The following PTPRK variants were observed in gnomAD, a reference collection of about 807,000 sequenced individuals.
PTPRK encodes receptor-type tyrosine-protein phosphatase kappa.
Under a neutral mutation model 178.0 loss-of-function variants are expected in PTPRK, and 75 were observed. The ratio of observed to expected loss-of-function variants is 0.42; its 90% CI spans 0.35 to 0.51. PTPRK has a LOEUF of 0.51. Among genes scored for constraint, PTPRK ranks in the 20% least tolerant of loss-of-function variants. PTPRK has a pLI of 0.02. For missense variants in PTPRK, 1,441 were observed against 1,797.8 expected (o/e 0.80, Z 3.59); for synonymous variants, 637 against 620.6 (o/e 1.03, Z -0.39).
chr6:128,368,917 T>TA (rs1206088032), intron 2 of PTPRK, among the ~76,000 whole-genome samples: 3 of 150,682 alleles, frequency 2.0e-5, no homozygotes, highest in East Asian at 3.9e-4. Flanking sequence ...TCACTCTATT[T>TA]AAAAAAACAA....
At chr6:128,365,707 G>C (rs1375767497) in intron 2 of PTPRK, among the ~76,000 whole-genome samples, 3 of 152,024 alleles carry the variant, frequency 2.0e-5, no homozygotes, top group Non-Finnish European at 4.4e-5. Flanking sequence ...TGTACTTTTA[G>C]AACACAGAGA....
intron 10 of PTPRK, 77 bp downstream of exon 10, chr6:128,082,360 A>T: frequency 7.5e-7 from 1 of 1,331,044 alleles, no homozygotes; most frequent in Non-Finnish European, 1.1e-6. Flanking sequence ...CACTTGGTTT[A>T]TATGTGATTC....
intron 1 of PTPRK, among the ~76,000 whole-genome samples, chr6:128,504,087 C>G (rs186674272): frequency 6.6e-6 from 1 of 152,176 alleles, no homozygotes; most frequent in Non-Finnish European, 1.5e-5. Context: ...TAGATATATC[C>G]TTTTTGTCAT....
At chr6:128,268,584 C>T (rs1486711971) in intron 3 of PTPRK, among the ~76,000 whole-genome samples, 1 of 151,936 alleles carries the variant, frequency 6.6e-6, no homozygotes, top group East Asian at 1.9e-4. Flanking sequence ...GCCCAACTGC[C>T]TTGCCAACAA....
intron 1 of PTPRK, among the ~76,000 whole-genome samples, chr6:128,428,373 C>T (rs1472281106): frequency 6.6e-6 from 1 of 152,092 alleles, no homozygotes; most frequent in Non-Finnish European, 1.5e-5. Context: ...AGGTCTAAAG[C>T]CTATCGTTAT....
intron 13 of PTPRK, among the ~76,000 whole-genome samples, chr6:128,040,855 G>A (rs1194077901): frequency 6.6e-6 from 1 of 152,016 alleles, no homozygotes; most frequent in Non-Finnish European, 1.5e-5. Context: ...AATACAGAAT[G>A]AGCTCTTGAA....
chr6:128,056,685 A>C (rs1266227843), intron 13 of PTPRK, among the ~76,000 whole-genome samples: 1 of 152,068 alleles, frequency 6.6e-6, no homozygotes, highest in Non-Finnish European at 1.5e-5. Flanking sequence ...CGGCCTCCCA[A>C]AGTGCTGGGA....
In PTPRK at chr6:128,189,358, G is replaced by T. The variant is rs1202540112; in HGVS notation, c.869-4633C>A. ...GGGTTCAAGCTACTCTCCTGCCTCA[G>T]CCTCCCAAATAGCCGGGACTACAGG... On this transcript the variant is annotated intron_variant, in intron 6 of 29. Transcript: ENST00000368226. Among the ~76,000 whole-genome samples, 4 of 146,092 alleles carry T rather than the reference G, an allele frequency of 2.7e-5. No individual in the cohort carries two copies. In the Admixed American group the frequency reaches 2.8e-4, roughly 10 times the overall value.
chr6:128,166,020 G>A (rs1459257029), intron 7 of PTPRK, among the ~76,000 whole-genome samples: 1 of 151,606 alleles, frequency 6.6e-6, no homozygotes, highest in East Asian at 1.9e-4. Context: ...TAAGGATAAA[G>A]TTACTATAAT....
intron 1 of PTPRK, chr6:128,472,626 A>C (rs1302947870): frequency 3.7e-6 from 1 of 272,504 alleles, no homozygotes; most frequent in Non-Finnish European, 7.0e-6. Flanking sequence ...AATTCTACAT[A>C]TTAATATTTT....
chr6:128,134,915 GA>G (rs1444266755), intron 7 of PTPRK, among the ~76,000 whole-genome samples: 1 of 152,054 alleles, frequency 6.6e-6, no homozygotes, highest in East Asian at 1.9e-4. Flanking sequence ...GGCCTTAAGA[GA>G]AAAAGACAAA....
intron 2 of PTPRK, among the ~76,000 whole-genome samples, chr6:128,351,539 G>T (rs918231208): frequency 6.6e-6 from 1 of 152,058 alleles, no homozygotes; most frequent in African/African-American, 2.4e-5. Flanking sequence ...GAATGTTCCT[G>T]GTAGCTCATT....
At chr6:128,424,893 A>G (rs1440018601) in intron 1 of PTPRK, among the ~76,000 whole-genome samples, 3 of 152,164 alleles carry the variant, frequency 2.0e-5, no homozygotes, top group African/African-American at 7.2e-5. Flanking sequence ...TATCAGCCAC[A>G]TACAACTAAC....
intron 13 of PTPRK, among the ~76,000 whole-genome samples, chr6:128,023,811 G>C (rs1270892745): frequency 6.6e-6 from 1 of 151,002 alleles, no homozygotes; most frequent in South Asian, 2.1e-4. Flanking sequence ...ATGCCACTAT[G>C]CCTGGCTAAT....
chr6:128,059,045 T>C lies in PTPRK; in HGVS notation c.2194+5713A>G, dbSNP rs150861787. ...GTCATAATTTTTATTCTTGTGCTAT[T>C]ACCACACTGTCTTAATTACTCTAAC... is the stretch of plus-strand genomic sequence containing the variant. On this transcript the variant is annotated intron_variant, in intron 13 of 29. Coordinates refer to ENST00000368226, the MANE Select transcript of PTPRK (RefSeq NM_002844.4). Among the ~76,000 whole-genome samples the C allele has an allele frequency of 6.1e-4, 93 of 152,246 alleles. No homozygotes were observed. The East Asian group carries it at 0.014, about 23-fold the overall frequency.
intron 14 of PTPRK, among the ~76,000 whole-genome samples, chr6:128,008,613 A>C (rs1224761678): frequency 6.6e-6 from 1 of 151,182 alleles, no homozygotes; most frequent in Non-Finnish European, 1.5e-5. Context: ...ATAAAAAGTT[A>C]ATGTTCAATT....
rs76947554 is a variant in PTPRK at position 127,982,897 on chromosome 6, A to G, written c.3471T>C (p.Ala1157=). 2.2e-3 allele frequency: 3,626 copies of G among 1,612,354 alleles called. 72 individuals carry two copies. The African/African-American group carries it at 0.042, about 19-fold the overall frequency. The part of the protein sequence containing the change: ...ETAIPVCEFK[A]AYFDMIRIDS... ...CTATTCTAATCATATCAAAATATGC[A>G]GCTTTAAATTCACAGACAGGTATGG... is the stretch of plus-strand genomic sequence containing the variant. The change falls in exon 24 of 30, where the codon GCT becomes GCC. Residue 1157 remains alanine (A), a synonymous_variant. Coordinates refer to ENST00000368226, the MANE Select transcript of PTPRK (RefSeq NM_002844.4).
chr6:128,384,813 T>A (rs2128359285), intron 2 of PTPRK, among the ~76,000 whole-genome samples: 1 of 152,020 alleles, frequency 6.6e-6, no homozygotes, highest in African/African-American at 2.4e-5. Flanking sequence ...CAGACTGGAA[T>A]TAGGTTTTAT....
chr6:128,357,708 G>A (rs1478818450), intron 2 of PTPRK, among the ~76,000 whole-genome samples: 1 of 152,186 alleles, frequency 6.6e-6, no homozygotes, highest in African/African-American at 2.4e-5. Flanking sequence ...AACTGTCTTT[G>A]TTTTTCAAAA....
Sources: gnomAD v4.1 joint callset for allele counts (sites outside exome capture counted in the v4.1 genomes callset) on GRCh38, gnomAD v4.1.1 for gene constraint, MANE v1.5 for transcripts, NCBI Gene and HGNC (gene_info 2026-07-23, HGNC 2026-07-21) for gene names.